The following TBX15 variants were observed in gnomAD, a reference collection of about 807,000 sequenced individuals.
TBX15 encodes T-box transcription factor TBX15.
TBX15 carries 18 observed loss-of-function variants against 53.9 expected under a neutral mutation model. The ratio of observed to expected loss-of-function variants is 0.33; its 90% CI spans 0.23 to 0.49. The LOEUF (loss-of-function observed/expected upper bound fraction) is 0.49. Ranked by LOEUF, TBX15 falls within the 20% of genes least tolerant of loss-of-function variation. The pLI is 0.98. For missense variants in TBX15, 692 were observed against 749.5 expected (o/e 0.92, Z 0.90); for synonymous variants, 295 against 278.0 (o/e 1.06, Z -0.61).
chr1:118,893,444 GGAAA>G (rs1654257269), intron 7 of TBX15, among the ~76,000 whole-genome samples: 1 of 123,404 alleles, frequency 8.1e-6, no homozygotes, highest in African/African-American at 3.2e-5. Flanking sequence ...AAGGAAGGAA[GGAAA>G]GAAGGAAGGA....
chr1:118,917,204 G>A (rs1655266575), intron 5 of TBX15, among the ~76,000 whole-genome samples: 1 of 152,200 alleles, frequency 6.6e-6, no homozygotes, highest in Non-Finnish European at 1.5e-5. Flanking sequence ...TAAAGAAAAT[G>A]TGATACATAT....
chr1:118,983,784 T>C (rs1657723967), intron 1 of TBX15, among the ~76,000 whole-genome samples: 1 of 152,110 alleles, frequency 6.6e-6, no homozygotes, highest in Non-Finnish European at 1.5e-5. Context: ...GGCATCTCAC[T>C]CTACGCGTTC....
At chr1:118,925,643 G>A (rs1655571241) in intron 3 of TBX15, among the ~76,000 whole-genome samples, 1 of 152,174 alleles carries the variant, frequency 6.6e-6, no homozygotes, top group Non-Finnish European at 1.5e-5. Context: ...TGGACCCTGA[G>A]AAATAGAGGC....
chr1:118,902,032 C>T (rs1654647816), intron 6 of TBX15, among the ~76,000 whole-genome samples: 1 of 151,904 alleles, frequency 6.6e-6, no homozygotes, highest in African/African-American at 2.4e-5. Context: ...CTTATTAATC[C>T]ACAGTGGATC....
At chr1:118,906,004 A>C (rs1305893434) in intron 6 of TBX15, among the ~76,000 whole-genome samples, 4 of 152,182 alleles carry the variant, frequency 2.6e-5, no homozygotes, top group African/African-American at 7.2e-5. Context: ...AAATTCTGAA[A>C]GCTAATACCT....
chr1:118,984,644 G>C (rs1189056041), intron 1 of TBX15, among the ~76,000 whole-genome samples: 1 of 152,224 alleles, frequency 6.6e-6, no homozygotes, highest in East Asian at 1.9e-4. Context: ...GGCTGGTCTT[G>C]AGGCACTTCT....
intron 1 of TBX15, among the ~76,000 whole-genome samples, chr1:118,973,877 T>C (rs559316258): frequency 6.6e-6 from 1 of 152,266 alleles, no homozygotes; most frequent in Non-Finnish European, 1.5e-5. Flanking sequence ...CCTCCTACAG[T>C]ACCTACCACC....
rs530739789 is a variant in TBX15, at chr1:118,884,638, T to A, written c.*94A>T. 4.3e-5 allele frequency: 64 copies of A among 1,486,368 alleles called. No individual in the cohort carries two copies. The African/African-American group carries it at 7.5e-4, about 17-fold the overall frequency. 92.1% of individuals were successfully genotyped at this position (1,486,368 alleles called of 1,614,324 possible). A position where few individuals can be genotyped will look rare whatever the true frequency, so the allele number is the denominator to read the frequency against. ...AAAAAAAAAAAAACACGGTTCCTGT[T>A]TTTCAAAGACACTGGACTCCCAAAG... On this transcript the variant is annotated 3_prime_UTR_variant, in exon 8 of 8. Transcript: ENST00000369429.
intron 1 of TBX15, among the ~76,000 whole-genome samples, chr1:118,945,563 A>T (rs1656321785): frequency 1.3e-5 from 2 of 152,128 alleles, no homozygotes; most frequent in African/African-American, 2.4e-5. Context: ...AGCTCCATGG[A>T]GACACCCTGT....
At chr1:118,935,642 T>A (rs1655944245) in intron 1 of TBX15, among the ~76,000 whole-genome samples, 3 of 151,934 alleles carry the variant, frequency 2.0e-5, no homozygotes, top group African/African-American at 4.8e-5. Context: ...TCTATTCTCA[T>A]CCCCCCAAAA....
chr1:118,914,249 T>C, intron 5 of TBX15, 70 bp from the exon 6 acceptor site: 1 of 1,403,402 alleles, frequency 7.1e-7, no homozygotes, highest in Non-Finnish European at 1.0e-6. Context: ...TCCTAGAAAA[T>C]TACAAAAATC....
chr1:118,916,798 G>C (rs1372945793), intron 5 of TBX15, among the ~76,000 whole-genome samples: 1 of 151,890 alleles, frequency 6.6e-6, no homozygotes, highest in African/African-American at 2.4e-5. Context: ...CCCAGGAAGT[G>C]GGAGCTATGG....
At chr1:118,970,036 C>T (rs1012379152) in intron 1 of TBX15, among the ~76,000 whole-genome samples, 2 of 152,188 alleles carry the variant, frequency 1.3e-5, no homozygotes, top group African/African-American at 4.8e-5. Context: ...GTGTGTAGCA[C>T]TTCCCCCTGC....
intron 2 of TBX15, among the ~76,000 whole-genome samples, chr1:118,927,008 G>A (rs1421190748): frequency 1.3e-5 from 2 of 152,116 alleles, no homozygotes; most frequent in African/African-American, 4.8e-5. Flanking sequence ...ACAGGTGTGA[G>A]CCAATGCACC....
chr1:118,960,777 A>G (rs1656846059), intron 1 of TBX15, among the ~76,000 whole-genome samples: 1 of 152,188 alleles, frequency 6.6e-6, no homozygotes, highest in South Asian at 2.1e-4. Context: ...ACTCTGACTC[A>G]ATCATCCCCA....
At chr1:118,901,703 C>T (rs180797312) in intron 6 of TBX15, among the ~76,000 whole-genome samples, 11 of 152,200 alleles carry the variant, frequency 7.2e-5, no homozygotes, top group Non-Finnish European at 5.9e-5. Context: ...GGTTATCCAC[C>T]TCTGTTGGTA....
Position 118,960,599 on chromosome 1 carries a change from G to A in TBX15, c.205+26992C>T, listed in dbSNP as rs137911860. ...AGGAGGCCAAACTGGACAATGAGAGGAATGGCTGCAGGGAAGGCCTGCCAG... is the reference window on the plus strand; with the variant it reads ...AGGAGGCCAAACTGGACAATGAGAGAAATGGCTGCAGGGAAGGCCTGCCAG... On this transcript the variant is annotated intron_variant, in intron 1 of 7. Transcript: ENST00000369429. Among the ~76,000 whole-genome samples, 144 of 152,310 alleles carry A rather than the reference G, an allele frequency of 9.5e-4. 1 individual carries two copies. Among genetic ancestry groups the A allele is most frequent in the Middle Eastern group, 3.4e-3 (1 of 294 alleles).
chr1:118,953,728 T>A (rs1367337510), intron 1 of TBX15, among the ~76,000 whole-genome samples: 1 of 152,240 alleles, frequency 6.6e-6, no homozygotes, highest in Non-Finnish European at 1.5e-5. Context: ...TTATTGGTTT[T>A]CACTCTCAAG....
chr1:118,908,963 G>A (rs1339816345), intron 6 of TBX15, among the ~76,000 whole-genome samples: 2 of 151,946 alleles, frequency 1.3e-5, no homozygotes, highest in East Asian at 1.9e-4. Context: ...TGCTCCCAGT[G>A]AAGACTTCTC....
Sources: allele counts gnomAD v4.1 joint callset (sites outside exome capture counted in the v4.1 genomes callset), GRCh38; gene constraint gnomAD v4.1.1; transcripts MANE v1.5; gene names NCBI Gene and HGNC (gene_info 2026-07-23, HGNC 2026-07-21).